The following GRAMD1B variants were observed in gnomAD, a reference collection of about 807,000 sequenced individuals.
GRAMD1B encodes the protein GRAM domain containing 1B, also known as protein Aster-B.
A neutral mutation model predicts 99.7 loss-of-function variants in GRAMD1B; 37 were observed. That is an observed-to-expected ratio of 0.37 (90% CI 0.29 to 0.49). The LOEUF (loss-of-function observed/expected upper bound fraction) is 0.49, where lower values mean the gene tolerates loss of function less well. Among genes scored for constraint, GRAMD1B ranks in the 20% least tolerant of loss-of-function variants. The pLI is 0.98. For missense variants in GRAMD1B, 888 were observed against 1,009.2 expected, an observed-to-expected ratio of 0.88 and a Z score of 1.63; for synonymous variants, 427 against 387.6, an observed-to-expected ratio of 1.10 and a Z score of -1.19.
intron 12 of GRAMD1B, 31 bp downstream of exon 12, chr11:123,608,833 C>G: frequency 7.4e-7 from 1 of 1,344,136 alleles, no homozygotes; most frequent in Non-Finnish European, 1.0e-6. Context: ...ACCCCCCATT[C>G]CTCCCTCTTC....
chr11:123,375,904 T>C (rs997408253), intron 1 of GRAMD1B, among the ~76,000 whole-genome samples: 2 of 152,190 alleles, frequency 1.3e-5, no homozygotes, highest in Admixed American at 1.3e-4. Flanking sequence ...TCTAAAGTTG[T>C]TTCTGGGGGA....
chr11:123,540,007 C>T (rs532009878), intron 2 of GRAMD1B, among the ~76,000 whole-genome samples: 1 of 152,046 alleles, frequency 6.6e-6, no homozygotes, highest in South Asian at 2.1e-4. Flanking sequence ...GGTTAGATAT[C>T]ATTCTGTCTT....
At chr11:123,539,723 C>T (rs1409358929) in intron 2 of GRAMD1B, among the ~76,000 whole-genome samples, 10 of 152,214 alleles carry the variant, frequency 6.6e-5, no homozygotes, top group South Asian at 4.1e-4. Context: ...ACTGTCCAGC[C>T]TCATCACTCA....
Position 123,430,836 on chromosome 11 carries a change from T to C in GRAMD1B, c.44T>C (p.Leu15Pro). ...NMMENRPLPALQVPEPQGAPE... is the reference protein window; with the variant it reads ...NMMENRPLPAPQVPEPQGAPE... ...ATGGAGAACCGGCCGCTGCCCGCCC[T>C]GCAGGTGCCCGAGCCGCAGGGTGCG... Residue 15 changes from leucine to proline, a missense_variant, in exon 1 of 20, where the codon CTG (leucine) becomes CCG (proline). By Grantham distance (98) the Leu-to-Pro change is moderately conservative. Coordinates refer to ENST00000635736, the MANE Select transcript of GRAMD1B (RefSeq NM_001387025.1). The C allele has an allele frequency of 4.3e-6, 3 of 698,848 alleles. No homozygotes were observed. The highest frequency in any genetic ancestry group is 7.8e-6 in the Non-Finnish European group (3 of 383,204). The allele number at this position is 698,848 out of a possible 1,614,324, so 43.3% of individuals were successfully genotyped here. A position where few individuals can be genotyped will look rare whatever the true frequency, so the allele number is the denominator to read the frequency against.
In GRAMD1B at chr11:123,626,060, T is replaced by C. The variant is rs1197464391; in HGVS notation, c.*3465T>C. ...CCTAGTTTGTGAAGGGATCTTCCTT[T>C]GGACTTTCTCTAAGTTGGGAGAAGA... On this transcript the variant is annotated 3_prime_UTR_variant, in exon 20 of 20. Coordinates refer to ENST00000635736, the MANE Select transcript of GRAMD1B (RefSeq NM_001387025.1). 1 of 152,234 alleles carries C rather than the reference T, an allele frequency of 6.6e-6. No homozygotes were observed. Among genetic ancestry groups the C allele is most frequent in the Non-Finnish European group, 1.5e-5 (1 of 68,086 alleles). 9.4% of individuals were successfully genotyped at this position (152,234 alleles called of 1,614,324 possible).
At chr11:123,374,171 T>C (rs991336053) in intron 1 of GRAMD1B, among the ~76,000 whole-genome samples, 2 of 152,182 alleles carry the variant, frequency 1.3e-5, no homozygotes, top group Admixed American at 1.3e-4. Context: ...GTTTCTCTGT[T>C]ATCTATATTA....
At position 123,610,261 on chromosome 11, in the gene GRAMD1B, C is replaced by T. The variant is rs1301385664; in HGVS notation, c.1842C>T (p.Asp614=). 5.0e-6 allele frequency: 8 copies of T among 1,613,740 alleles called. No individual in the cohort carries two copies. The highest frequency in any genetic ancestry group is 2.5e-6 in the Non-Finnish European group (3 of 1,179,652). ...TAGATGCCGAAGTCCTCACCCACGA[C>T]GTGCCCTACCATGACTACTTCTACA... The part of the protein sequence containing the change: ...YVIDAEVLTH[D]VPYHDYFYTI... Residue 614 remains aspartate, a synonymous_variant, in exon 14 of 20, where the codon GAC becomes GAT. Transcript: ENST00000635736. The surrounding 1 kb of genome is among the most constrained non-coding windows in gnomAD (Gnocchi z 4.1).
Position 123,623,935 on chromosome 11 carries a change from G to A in GRAMD1B, c.*1340G>A, listed in dbSNP as rs1955353790. 1 of 152,222 alleles carries A rather than the reference G, an allele frequency of 6.6e-6. No homozygotes were observed. Among genetic ancestry groups the A allele is most frequent in the South Asian group, 2.1e-4 (1 of 4,828 alleles). 9.4% of individuals were successfully genotyped at this position (152,222 alleles called of 1,614,324 possible). A position where few individuals can be genotyped will look rare whatever the true frequency, so the allele number is the denominator to read the frequency against. ...AGAGGTGTAAGATCATTAAGAAGTA[G>A]AAGGCACTAGCTTCAAAGAGTGAGA... On this transcript the variant is annotated 3_prime_UTR_variant, in exon 20 of 20. Coordinates refer to ENST00000635736, the MANE Select transcript of GRAMD1B (RefSeq NM_001387025.1).
At chr11:123,489,037 G>A (rs1938224476) in intron 2 of GRAMD1B, among the ~76,000 whole-genome samples, 1 of 152,124 alleles carries the variant, frequency 6.6e-6, no homozygotes, top group Non-Finnish European at 1.5e-5. Context: ...GCATGGAAGT[G>A]GGGCAGATTC....
intron 1 of GRAMD1B, among the ~76,000 whole-genome samples, chr11:123,404,799 G>T: frequency 6.6e-6 from 1 of 152,228 alleles, no homozygotes; most frequent in East Asian, 1.9e-4. Flanking sequence ...GATACTCATC[G>T]TTAAGAGACA....
At chr11:123,447,581 G>C (rs1949699695) in intron 1 of GRAMD1B, among the ~76,000 whole-genome samples, 1 of 152,170 alleles carries the variant, frequency 6.6e-6, no homozygotes, top group South Asian at 2.1e-4. Context: ...GGAGGCTCTG[G>C]TTCTGCTAAT....
chr11:123,543,721 C>T (rs1230608943), intron 2 of GRAMD1B, among the ~76,000 whole-genome samples: 9 of 152,320 alleles, frequency 5.9e-5, no homozygotes, highest in African/African-American at 1.9e-4. Flanking sequence ...GCCTCCATAT[C>T]TTTGATCCCA....
intron 1 of GRAMD1B, among the ~76,000 whole-genome samples, chr11:123,382,713 T>TG (rs1946920891): frequency 6.6e-6 from 1 of 151,962 alleles, no homozygotes; most frequent in Non-Finnish European, 1.5e-5. Flanking sequence ...GATAGGGTAA[T>TG]GGGGGGCGTT....
rs1346019863 is a variant in GRAMD1B, at chr11:123,625,975, AGAGAGATC to A, written c.*3384_*3391del. 7.1e-6 allele frequency: 1 copy of A among 141,728 alleles called. No individual in the cohort carries two copies. Among genetic ancestry groups the A allele is most frequent in the African/African-American group, 2.6e-5 (1 of 37,752 alleles). 8.8% of individuals were successfully genotyped at this position (141,728 alleles called of 1,614,324 possible). On this transcript the variant is annotated 3_prime_UTR_variant, in exon 20 of 20. Coordinates refer to ENST00000635736, the MANE Select transcript of GRAMD1B (RefSeq NM_001387025.1). Reference sequence around the variant, plus strand: ...GAGAGAGAGAGAGAGAGAGAGAGAGAGAGAGATCGAGCTTGATGTATTGCTCAGTATTC... The same window carrying A: ...GAGAGAGAGAGAGAGAGAGAGAGAGAGAGCTTGATGTATTGCTCAGTATTC...
At chr11:123,503,369 A>C (rs1038857304) in intron 2 of GRAMD1B, among the ~76,000 whole-genome samples, 2 of 152,186 alleles carry the variant, frequency 1.3e-5, no homozygotes, top group Admixed American at 6.5e-5. Context: ...GACCAGAGCT[A>C]GCTTTGCATT....
At chr11:123,519,143 T>TGTGC (rs1439177993) in intron 2 of GRAMD1B, among the ~76,000 whole-genome samples, 1 of 151,976 alleles carries the variant, frequency 6.6e-6, no homozygotes, top group East Asian at 1.9e-4. Context: ...TGCATAAGGG[T>TGTGC]ACCAAGGACA....
chr11:123,591,499 C>T lies in GRAMD1B; in HGVS notation c.685-2583C>T, dbSNP rs1950638898. On this transcript the variant is annotated intron_variant, in intron 4 of 19. Transcript: ENST00000635736. The surrounding 1 kb of genome is among the most constrained non-coding windows in gnomAD (Gnocchi z 4.7). ...AGCAGCTTGGCCATGCACCTGCTGC[C>T]GCTGAACACCGTTGCTGGCACGGAT... 5.0e-6 allele frequency: 2 copies of T among 398,940 alleles called. No homozygotes were observed. Among genetic ancestry groups the T allele is most frequent in the Non-Finnish European group, 8.8e-6 (2 of 226,068 alleles). 24.7% of individuals were successfully genotyped at this position (398,940 alleles called of 1,614,324 possible).
At position 123,600,470 on chromosome 11, in the gene GRAMD1B, C is replaced by T. The variant is rs1315642726; in HGVS notation, c.972C>T (p.His324=). Residue 324 remains histidine (H), a splice_region_variant and synonymous_variant, in exon 8 of 20, where the codon CAC becomes CAT. Coordinates refer to ENST00000635736, the MANE Select transcript of GRAMD1B (RefSeq NM_001387025.1). The stretch of plus-strand genomic sequence containing the variant: ...TGTTATTTTCTTTTCCAATCTAGCA[C>T]TTCTTCACTTCGTTTGGGGCCCGGG... ...AIQVCTDSEK[H]FFTSFGARDR... 1 of 1,596,118 alleles carries T rather than the reference C, an allele frequency of 6.3e-7. No homozygotes were observed. The highest frequency in any genetic ancestry group is 2.2e-5 in the East Asian group (1 of 44,740).
intron 2 of GRAMD1B, among the ~76,000 whole-genome samples, chr11:123,556,294 A>C (rs1946177013): frequency 6.6e-6 from 1 of 152,234 alleles, no homozygotes; most frequent in African/African-American, 2.4e-5. Context: ...TACTCTGTAA[A>C]AGTTTTTAAA....
Sources: allele counts gnomAD v4.1 joint callset (sites outside exome capture counted in the v4.1 genomes callset), GRCh38; gene constraint gnomAD v4.1.1; non-coding constraint Gnocchi (gnomAD v3.1); transcripts MANE v1.5; gene names NCBI Gene and HGNC (gene_info 2026-07-23, HGNC 2026-07-21).